PDZD2: variants seen among roughly 807,000 people sequenced by gnomAD.
PDZD2 encodes PDZ domain-containing protein 2.
Under a neutral mutation model 220.7 loss-of-function variants are expected in PDZD2, and 90 were observed. The observed-to-expected ratio is 0.41, with a 90% confidence interval of 0.34 to 0.49. The LOEUF (loss-of-function observed/expected upper bound fraction) is 0.49, where lower values mean the gene tolerates loss of function less well. PDZD2 is among the 20% of genes least tolerant of loss of function. PDZD2 has a pLI of 0.28. For synonymous variants in PDZD2, 1,375 were observed against 1,450.5 expected, an observed-to-expected ratio of 0.95 and a Z score of 1.18; for missense variants, 3,174 against 3,608.5, an observed-to-expected ratio of 0.88 and a Z score of 3.08.
intron 2 of PDZD2, among the ~76,000 whole-genome samples, chr5:31,858,261 C>T (rs940713791): frequency 6.6e-6 from 1 of 150,560 alleles, no homozygotes; most frequent in East Asian, 2.0e-4. Context: ...CCGTGCCCAG[C>T]CAGTTTCCTA....
At chr5:31,956,184 A>C (rs1034004248) in intron 2 of PDZD2, among the ~76,000 whole-genome samples, 29 of 152,164 alleles carry the variant, frequency 1.9e-4, no homozygotes, top group African/African-American at 6.8e-4. Context: ...TGATTTTGTC[A>C]GAATGATCTA....
Position 31,799,093 on chromosome 5 carries a change from A to T in PDZD2, c.-156A>T, listed in dbSNP as rs1272502001. 15 of 595,154 alleles carry T rather than the reference A, an allele frequency of 2.5e-5. No homozygotes were observed. The highest frequency in any genetic ancestry group is 4.5e-5 in the Non-Finnish European group (15 of 334,396). 36.9% of individuals were successfully genotyped at this position (595,154 alleles called of 1,614,324 possible). ...TTCCTCCTGCCAAGGCAAACAGCAT[A>T]GTCTCGAGTAGGTGTCCCTAGGCTC... On this transcript the variant is annotated 5_prime_UTR_variant, in exon 2 of 25. Transcript: ENST00000438447.
In PDZD2 at chr5:31,928,002, C is replaced by G. The variant is rs367681635; in HGVS notation, c.477-55153C>G. On this transcript the variant is annotated intron_variant, in intron 2 of 24. Transcript: ENST00000438447. Reference sequence around the variant, plus strand: ...CAGGCCATTTCAGTATGCCTACCCTCACTGAGAATATGTAAGGAGGAAAGA... The same window carrying G: ...CAGGCCATTTCAGTATGCCTACCCTGACTGAGAATATGTAAGGAGGAAAGA... Among the ~76,000 whole-genome samples the G allele has an allele frequency of 3.9e-5, 6 of 152,132 alleles. 1 individual carries two copies. In the East Asian group the frequency reaches 1.2e-3, roughly 29 times the overall value.
Position 32,061,099 on chromosome 5 carries a change from G to C in PDZD2, c.2416G>C (p.Val806Leu). ...AILSKCPPGP[V>L]RLVIGRHPNP... Reference sequence around the variant, plus strand: ...CTTGAGTAAATGCCCTCCAGGACCCGTTCGCCTTGTCATCGGCCGGCACCC... The same window carrying C: ...CTTGAGTAAATGCCCTCCAGGACCCCTTCGCCTTGTCATCGGCCGGCACCC... Residue 806 changes from valine (V) to leucine (L), a missense_variant, in exon 14 of 25, where the codon GTT (valine) becomes CTT (leucine). Val to Leu is a conservative substitution (Grantham distance 32). Transcript: ENST00000438447. The C allele has an allele frequency of 1.9e-6, 3 of 1,614,084 alleles. No homozygotes were observed. The highest frequency in any genetic ancestry group is 1.3e-5 in the African/African-American group (1 of 75,024).
chr5:31,783,429 G>A (rs1173879879), intron 1 of PDZD2, among the ~76,000 whole-genome samples: 1 of 152,186 alleles, frequency 6.6e-6, no homozygotes, highest in Non-Finnish European at 1.5e-5. Context: ...AGGAGGCCAA[G>A]TTTTTAATCA....
At chr5:31,704,066 G>T (rs377388991) in intron 1 of PDZD2, among the ~76,000 whole-genome samples, 18 of 151,228 alleles carry the variant, frequency 1.2e-4, no homozygotes, top group East Asian at 3.9e-4. Context: ...AGGCTGGAGT[G>T]CAGTGGCACG....
At chr5:31,750,790 T>C (rs2150176764) in intron 1 of PDZD2, among the ~76,000 whole-genome samples, 1 of 152,208 alleles carries the variant, frequency 6.6e-6, no homozygotes, top group African/African-American at 2.4e-5. Flanking sequence ...TGGCAGGCGC[T>C]CAGTAAATAC....
At chr5:31,853,314 A>G (rs867713733) in intron 2 of PDZD2, among the ~76,000 whole-genome samples, 3 of 152,194 alleles carry the variant, frequency 2.0e-5, no homozygotes, top group Non-Finnish European at 4.4e-5. Flanking sequence ...GGGCACATGT[A>G]GTGTTCTCCT....
intron 2 of PDZD2, among the ~76,000 whole-genome samples, chr5:31,807,124 C>T (rs1316895985): frequency 1.3e-5 from 2 of 151,950 alleles, no homozygotes; most frequent in Admixed American, 6.6e-5. Context: ...TTAGTAGAGA[C>T]GGGGTTTCAC....
At chr5:32,012,444 C>T (rs534564453) in intron 6 of PDZD2, among the ~76,000 whole-genome samples, 17 of 152,148 alleles carry the variant, frequency 1.1e-4, no homozygotes, top group Middle Eastern at 3.4e-3. Context: ...AGTGCAGTGG[C>T]GTGATCTTGG....
chr5:32,053,935 A>C (rs1288661260), intron 10 of PDZD2, 52 bp downstream of exon 10: 2 of 1,024,144 alleles, frequency 2.0e-6, no homozygotes, highest in Non-Finnish European at 3.1e-6. Flanking sequence ...ATCCCATGAG[A>C]ATCTGCCTCT....
chr5:31,662,878 CTGTG>C (rs1480652096), intron 1 of PDZD2, among the ~76,000 whole-genome samples: 5 of 152,238 alleles, frequency 3.3e-5, no homozygotes, highest in African/African-American at 9.6e-5. Context: ...GATCCACCCG[CTGTG>C]GCCTCCCAAA....
At chr5:31,750,859 G>C (rs1278560268) in intron 1 of PDZD2, among the ~76,000 whole-genome samples, 2 of 152,154 alleles carry the variant, frequency 1.3e-5, no homozygotes, top group African/African-American at 4.8e-5. Flanking sequence ...GAAGTAGTCA[G>C]GGGTAATGTT....
chr5:31,848,063 T>C, intron 2 of PDZD2: 1 of 356,362 alleles, frequency 2.8e-6, no homozygotes, highest in South Asian at 2.9e-5. Flanking sequence ...GAGGTGGAAC[T>C]ATCCCAAAAT....
In PDZD2 at chr5:32,061,678, C is replaced by T. The variant is rs555829583; in HGVS notation, c.2451+544C>T. 4.6e-5 allele frequency among the ~76,000 whole-genome samples: 7 copies of T among 151,886 alleles called. No homozygotes were observed. The South Asian group carries it at 6.3e-4, about 14-fold the overall frequency. Reference sequence around the variant, plus strand: ...TGGTAATCCTAGCACTTTGGGAGGCCGAAGCAGGAGGATCACTTGAGCTCA... The same window carrying T: ...TGGTAATCCTAGCACTTTGGGAGGCTGAAGCAGGAGGATCACTTGAGCTCA... On this transcript the variant is annotated intron_variant, in intron 14 of 24. Transcript: ENST00000438447.
chr5:31,876,196 G>A (rs539301163), intron 2 of PDZD2, among the ~76,000 whole-genome samples: 1 of 151,292 alleles, frequency 6.6e-6, no homozygotes, highest in African/African-American at 2.4e-5. Context: ...TTCTAGTTTT[G>A]GTTACTATAC....
intron 3 of PDZD2, among the ~76,000 whole-genome samples, chr5:31,988,505 C>T (rs1195573481): frequency 1.3e-5 from 2 of 148,546 alleles, no homozygotes; most frequent in East Asian, 3.9e-4. Context: ...TGGATGTATT[C>T]ACCATCCTGG....
At chr5:31,710,555 T>A (rs965610480) in intron 1 of PDZD2, among the ~76,000 whole-genome samples, 1 of 152,144 alleles carries the variant, frequency 6.6e-6, no homozygotes, top group African/African-American at 2.4e-5. Context: ...TGGTGGCTCA[T>A]GCCTGTAATC....
chr5:32,088,229 C>T lies in PDZD2; in HGVS notation c.4781C>T (p.Ser1594Leu), dbSNP rs1221172735. The change falls in exon 20 of 25, where the codon TCA (serine) becomes TTA (leucine). Residue 1594 changes from serine (S) to leucine (L), a missense_variant. This residue lies in a region of PDZD2 where 1,861 missense variants were observed against 2,001.0 expected (regional missense o/e 0.93). Coordinates refer to ENST00000438447, the MANE Select transcript of PDZD2 (RefSeq NM_178140.4). The surrounding 1 kb of genome is among the most constrained non-coding windows in gnomAD (Gnocchi z 4.6). Reference protein sequence around the residue: ...VSLHKEDPSESEEEQIEICST... With the variant: ...VSLHKEDPSELEEEQIEICST... ...TTGCACAAGGAAGATCCTTCGGAGT[C>T]AGAAGAGGAACAGATTGAGATTTGT... The T allele has an allele frequency of 5.6e-6, 9 of 1,614,050 alleles. No individual in the cohort carries two copies. In the East Asian group the frequency reaches 2.0e-4, roughly 36 times the overall value.
Sources: gnomAD v4.1 joint callset for allele counts (sites outside exome capture counted in the v4.1 genomes callset) on GRCh38, gnomAD v4.1.1 for gene constraint, gnomAD v4.1.1 regional missense constraint, Gnocchi (gnomAD v3.1) non-coding constraint, MANE v1.5 for transcripts, NCBI Gene and HGNC (gene_info 2026-07-23, HGNC 2026-07-21) for gene names.